ABCB10: variants seen among roughly 807,000 people sequenced by gnomAD.
ABCB10 encodes ATP binding cassette subfamily B member 10.
ABCB10 carries 54 observed loss-of-function variants against 65.4 expected under a neutral mutation model. That is an observed-to-expected ratio of 0.83 (90% confidence interval 0.66 to 1.04). The LOEUF (loss-of-function observed/expected upper bound fraction) is 1.04, where lower values mean the gene tolerates loss of function less well. Among genes scored for constraint, ABCB10 ranks in the 50% least tolerant of loss-of-function variants. The pLI is 0.00. For missense variants in ABCB10, 846 were observed against 976.6 expected (o/e 0.87, Z 1.78); for synonymous variants, 418 against 406.5 (o/e 1.03, Z -0.34).
Position 229,518,281 on chromosome 1 carries a change from G to T in ABCB10, c.2115C>A (p.Asp705Glu). The T allele has an allele frequency of 6.2e-7, 1 of 1,614,036 alleles. No homozygotes were observed. The highest frequency in any genetic ancestry group is 8.5e-7 in the Non-Finnish European group (1 of 1,179,992). Reference protein sequence around the residue: ...IKNANMVAVLDQGKITEYGKH... With the variant: ...IKNANMVAVLEQGKITEYGKH... ...TTCCATATTCAGTAATTTTTCCTTG[G>T]TCAAGAACAGCAACCATATTAGCAT... Residue 705 changes from aspartate to glutamate, a missense_variant, in exon 13 of 13, where the codon GAC (aspartate) becomes GAA (glutamate). Asp to Glu is a conservative substitution (Grantham distance 45). Transcript: ENST00000344517.
Position 229,516,783 on chromosome 1 carries a change from A to G in ABCB10, c.*1396T>C, listed in dbSNP as rs147490579. The G allele has an allele frequency of 5.3e-5, 8 of 152,356 alleles. No homozygotes were observed. The highest frequency in any genetic ancestry group is 6.8e-3 in the Middle Eastern group (2 of 294). 9.4% of individuals were successfully genotyped at this position (152,356 alleles called of 1,614,324 possible). ...ATCACACTTTATAAAGAACACAAGT[A>G]GAGCTTGTTAAAAATGATTGTCACA... On this transcript the variant is annotated 3_prime_UTR_variant, in exon 13 of 13. Coordinates refer to ENST00000344517, the MANE Select transcript of ABCB10 (RefSeq NM_012089.3).
Position 229,549,429 on chromosome 1 carries a change from C to A in ABCB10, c.523G>T (p.Val175Phe). 6.2e-7 allele frequency: 1 copy of A among 1,613,402 alleles called. No homozygotes were observed. Among genetic ancestry groups the A allele is most frequent in the Admixed American group, 1.7e-5 (1 of 59,874 alleles). The change falls in exon 2 of 13, where the codon GTT (valine) becomes TTT (phenylalanine). Residue 175 changes from valine to phenylalanine, a missense_variant. By Grantham distance (50) the Val-to-Phe change is conservative. Transcript: ENST00000344517. ...ACACTGGACATCGTGAGAAATCCAA[C>A]CGCAGCTAGAAAACACAAGCACTCT... ...YPERRRLAAA[V>F]GFLTMSSVIS...
chr1:229,548,792 A>G (rs1663029341), intron 2 of ABCB10, among the ~76,000 whole-genome samples: 1 of 151,094 alleles, frequency 6.6e-6, no homozygotes, highest in Non-Finnish European at 1.5e-5. Flanking sequence ...CCTCCTGAGT[A>G]GCTGAGATTA....
chr1:229,546,089 TTGAA>T (rs1662957479), intron 3 of ABCB10, among the ~76,000 whole-genome samples: 1 of 151,826 alleles, frequency 6.6e-6, no homozygotes, highest in South Asian at 2.1e-4. Context: ...GGAGAATCAC[TTGAA>T]CCCGGGAGGA....
chr1:229,549,965 C>A (rs886527339), intron 1 of ABCB10: 1 of 153,580 alleles, frequency 6.5e-6, no homozygotes, highest in South Asian at 2.0e-4. Flanking sequence ...CTACGCAGGG[C>A]GAGGCCTCAC....
At chr1:229,541,280 G>A (rs1382162178) in intron 4 of ABCB10, among the ~76,000 whole-genome samples, 1 of 152,076 alleles carries the variant, frequency 6.6e-6, no homozygotes, top group Non-Finnish European at 1.5e-5. Context: ...AGGCTGGAGT[G>A]CAATGGCGCA....
At chr1:229,540,298 C>T (rs1662813885) in intron 5 of ABCB10, among the ~76,000 whole-genome samples, 1 of 152,132 alleles carries the variant, frequency 6.6e-6, no homozygotes, top group South Asian at 2.1e-4. Context: ...GTTTCCTACC[C>T]AGCAGACCTG....
At chr1:229,549,488 G>A (rs1285792891) in intron 1 of ABCB10, 54 bp from the exon 2 acceptor site, 17 of 1,531,544 alleles carry the variant, frequency 1.1e-5, no homozygotes, top group Non-Finnish European at 1.4e-5. Flanking sequence ...AGGGGCTGCG[G>A]TGCTGAGTCC....
At chr1:229,524,614 A>G (rs1365130873) in intron 10 of ABCB10, among the ~76,000 whole-genome samples, 1 of 152,182 alleles carries the variant, frequency 6.6e-6, no homozygotes, top group Non-Finnish European at 1.5e-5. Flanking sequence ...TCCTCAAAAT[A>G]TGGCAACCAT....
At chr1:229,532,199 G>A (rs948399205) in intron 6 of ABCB10, among the ~76,000 whole-genome samples, 1 of 152,044 alleles carries the variant, frequency 6.6e-6, no homozygotes, top group African/African-American at 2.4e-5. Context: ...TGATCCACCC[G>A]CCTCAGCCTC....
chr1:229,531,907 A>C, intron 6 of ABCB10, 176 bp from the exon 7 acceptor site: 2 of 410,698 alleles, frequency 4.9e-6, no homozygotes, highest in Admixed American at 4.4e-5. Flanking sequence ...CTTGTCTCAT[A>C]CTCTAGTTTT....
chr1:229,529,010 G>A (rs746556826), intron 8 of ABCB10, among the ~76,000 whole-genome samples: 36 of 152,142 alleles, frequency 2.4e-4, no homozygotes, highest in Non-Finnish European at 4.3e-4. Context: ...AGAAAATCCC[G>A]GCTGGGCGCG....
At chr1:229,556,638 G>C (rs914615355) in intron 1 of ABCB10, among the ~76,000 whole-genome samples, 12 of 152,328 alleles carry the variant, frequency 7.9e-5, no homozygotes, top group South Asian at 4.1e-4. Context: ...CATGGCATAA[G>C]AGGACTGGGC....
At chr1:229,547,971 T>C (rs1663010633) in intron 2 of ABCB10, among the ~76,000 whole-genome samples, 1 of 151,846 alleles carries the variant, frequency 6.6e-6, no homozygotes, top group South Asian at 2.1e-4. Flanking sequence ...AAAATAAATA[T>C]AACATGACTC....
chr1:229,546,688 TAG>T (rs1425288130), intron 3 of ABCB10, among the ~76,000 whole-genome samples: 10 of 151,790 alleles, frequency 6.6e-5, no homozygotes, highest in Non-Finnish European at 1.2e-4. Flanking sequence ...CTGGGCAACA[TAG>T]AGAGACCCTG....
At chr1:229,531,402 CTA>C (rs985782965) in intron 7 of ABCB10, among the ~76,000 whole-genome samples, 2 of 152,146 alleles carry the variant, frequency 1.3e-5, no homozygotes, top group African/African-American at 4.8e-5. Context: ...GGGCAGCACA[CTA>C]TGTGGCCAGC....
chr1:229,531,359 G>A (rs915364543), intron 7 of ABCB10, among the ~76,000 whole-genome samples: 1 of 152,170 alleles, frequency 6.6e-6, no homozygotes, highest in African/African-American at 2.4e-5. Context: ...CCTGCCCTTT[G>A]CGGTAACACC....
rs1193093473 is a variant in ABCB10 at position 229,558,644 on chromosome 1, G to T, written c.9C>A (p.Gly3=). 1.5e-5 allele frequency: 20 copies of T among 1,360,352 alleles called. No homozygotes were observed. The highest frequency in any genetic ancestry group is 1.7e-5 in the Non-Finnish European group (18 of 1,058,702). 84.3% of individuals were successfully genotyped at this position (1,360,352 alleles called of 1,614,324 possible). Residue 3 remains glycine (G), a synonymous_variant, in exon 1 of 13, where the codon GGC becomes GGA. Transcript: ENST00000344517. ...GCAGCCGCAGCGGCCAGGCAGGGGG[G>T]CCTCGCATGGCGCTGCGTGCGACCC... The part of the protein sequence containing the change: MR[G]PPAWPLRLLE...
At chr1:229,535,487 T>G (rs1662697890) in intron 6 of ABCB10, among the ~76,000 whole-genome samples, 1 of 152,172 alleles carries the variant, frequency 6.6e-6, no homozygotes, top group African/African-American at 2.4e-5. Context: ...TGCTACATAC[T>G]GCAAGATTAC....
Sources: gnomAD v4.1 joint callset for allele counts (sites outside exome capture counted in the v4.1 genomes callset) on GRCh38, gnomAD v4.1.1 for gene constraint, MANE v1.5 for transcripts, NCBI Gene and HGNC (gene_info 2026-07-23, HGNC 2026-07-21) for gene names.